The following SLX4IP variants were observed in gnomAD, a reference collection of about 807,000 sequenced individuals.
SLX4IP encodes the protein protein SLX4IP.
SLX4IP carries 34 observed loss-of-function variants against 32.9 expected under a neutral mutation model. The ratio of observed to expected loss-of-function variants is 1.03; its 90% confidence interval spans 0.79 to 1.38. SLX4IP has a LOEUF of 1.38. SLX4IP is among the 40% of genes most tolerant of loss of function. The probability of loss-of-function intolerance (pLI) is 0.00; values close to 1 mark genes in which losing one functional copy is unlikely to be tolerated. For synonymous variants in SLX4IP, 172 were observed against 171.7 expected, an observed-to-expected ratio of 1.00 and a Z score of -0.01; for missense variants, 444 against 479.0, an observed-to-expected ratio of 0.93 and a Z score of 0.68.
chr20:10,497,745 T>G (rs1361207950), intron 2 of SLX4IP, among the ~76,000 whole-genome samples: 1 of 152,156 alleles, frequency 6.6e-6, no homozygotes, highest in East Asian at 1.9e-4. Flanking sequence ...ACTTTGTTGG[T>G]CACTTTTCTT....
chr20:10,550,773 G>A (rs938250614), intron 2 of SLX4IP, among the ~76,000 whole-genome samples: 20 of 152,270 alleles, frequency 1.3e-4, no homozygotes, highest in African/African-American at 4.1e-4. Flanking sequence ...TGCATGGGGC[G>A]TTATTCATTT....
Position 10,503,104 on chromosome 20 carries a change from T to C in SLX4IP, c.27+44873T>C, listed in dbSNP as rs569981106. Among the ~76,000 whole-genome samples, 3 of 152,312 alleles carry C rather than the reference T, an allele frequency of 2.0e-5. No individual in the cohort carries two copies. The South Asian group carries it at 6.2e-4, about 32-fold the overall frequency. ...TTGATACAACTGTTGGCCACCTCACTATGGCCTACCCTGCCATCTGTCCTC... is the reference window on the plus strand; with the variant it reads ...TTGATACAACTGTTGGCCACCTCACCATGGCCTACCCTGCCATCTGTCCTC... On this transcript the variant is annotated intron_variant, in intron 2 of 7. Coordinates refer to ENST00000334534, the MANE Select transcript of SLX4IP (RefSeq NM_001009608.3).
chr20:10,471,685 A>G (rs1264454663), intron 2 of SLX4IP, among the ~76,000 whole-genome samples: 1 of 152,202 alleles, frequency 6.6e-6, no homozygotes, highest in Non-Finnish European at 1.5e-5. Context: ...TCTGTGTGAC[A>G]AAGAAGCCCC....
intron 6 of SLX4IP, chr20:10,613,231 G>A (rs1600156927): frequency 5.1e-6 from 3 of 583,088 alleles, no homozygotes; most frequent in African/African-American, 1.9e-5. Flanking sequence ...TCCTTCAGGT[G>A]AGACCTCACA....
intron 2 of SLX4IP, among the ~76,000 whole-genome samples, chr20:10,493,459 A>C (rs1159117686): frequency 6.6e-6 from 1 of 151,822 alleles, no homozygotes; most frequent in East Asian, 1.9e-4. Context: ...ACCATATCGA[A>C]CTCCCATATT....
At chr20:10,620,451 GAA>G (rs1479509689) in intron 6 of SLX4IP, among the ~76,000 whole-genome samples, 2 of 152,100 alleles carry the variant, frequency 1.3e-5, no homozygotes, top group Non-Finnish European at 2.9e-5. Context: ...TTAGTATAAG[GAA>G]AAAAGTCCCG....
intron 4 of SLX4IP, among the ~76,000 whole-genome samples, chr20:10,566,730 T>C (rs1225192810): frequency 6.6e-6 from 1 of 152,192 alleles, no homozygotes; most frequent in African/African-American, 2.4e-5. Context: ...CTGTGCTTGA[T>C]TGTTTGTAAG....
At chr20:10,576,551 G>A (rs965250199) in intron 4 of SLX4IP, among the ~76,000 whole-genome samples, 1 of 152,156 alleles carries the variant, frequency 6.6e-6, no homozygotes, top group African/African-American at 2.4e-5. Context: ...GAAATGTCTT[G>A]AGAAAATTAT....
chr20:10,485,970 G>A (rs79084389), intron 2 of SLX4IP, among the ~76,000 whole-genome samples: 3,277 of 152,138 alleles, frequency 0.022, 97 homozygotes, highest in African/African-American at 0.062. Flanking sequence ...CAGGGGTGGT[G>A]GAGGCAGAAG....
At chr20:10,438,095 G>A (rs6133934) in intron 1 of SLX4IP, among the ~76,000 whole-genome samples, 3 of 152,234 alleles carry the variant, frequency 2.0e-5, no homozygotes, top group Admixed American at 2.0e-4. Flanking sequence ...TGGGCTTTAA[G>A]GTTTTGTTTA....
intron 4 of SLX4IP, among the ~76,000 whole-genome samples, chr20:10,586,863 T>C (rs1165252463): frequency 6.6e-6 from 1 of 152,034 alleles, no homozygotes; most frequent in East Asian, 1.9e-4. Flanking sequence ...AGAATAAATA[T>C]AAACCCTGAA....
chr20:10,466,586 T>A (rs967570778), intron 2 of SLX4IP, among the ~76,000 whole-genome samples: 1 of 152,132 alleles, frequency 6.6e-6, no homozygotes, highest in Non-Finnish European at 1.5e-5. Context: ...CAGTCTGTAT[T>A]TAAGGAAAAA....
At chr20:10,445,311 C>CTTTTTTTTTT (rs36058168) in intron 1 of SLX4IP, among the ~76,000 whole-genome samples, 18 of 90,134 alleles carry the variant, frequency 2.0e-4, no homozygotes, top group Admixed American at 3.9e-4. Context: ...TTTTTTCTTT[C>CTTTTTTTTTT]TTTTTTTTTT....
At chr20:10,459,889 TG>T (rs1484703646) in intron 2 of SLX4IP, among the ~76,000 whole-genome samples, 1 of 152,236 alleles carries the variant, frequency 6.6e-6, no homozygotes, top group Non-Finnish European at 1.5e-5. Flanking sequence ...GGACATTTTC[TG>T]TATGCTAGTC....
At chr20:10,515,013 T>C (rs2122436694) in intron 2 of SLX4IP, among the ~76,000 whole-genome samples, 1 of 151,964 alleles carries the variant, frequency 6.6e-6, no homozygotes, top group Middle Eastern at 3.4e-3. Context: ...AATAGGACAC[T>C]CTTGAGGGGC....
intron 2 of SLX4IP, among the ~76,000 whole-genome samples, chr20:10,533,456 A>G (rs2066007013): frequency 6.6e-6 from 1 of 152,044 alleles, no homozygotes; most frequent in Non-Finnish European, 1.5e-5. Flanking sequence ...GGCATGTGCC[A>G]CCACACCTTT....
chr20:10,527,959 C>T (rs1193068260), intron 2 of SLX4IP, among the ~76,000 whole-genome samples: 1 of 151,962 alleles, frequency 6.6e-6, no homozygotes, highest in Non-Finnish European at 1.5e-5. Context: ...TACACATAAC[C>T]CCCAGCCTGT....
At chr20:10,547,646 A>G (rs2066175574) in intron 2 of SLX4IP, among the ~76,000 whole-genome samples, 2 of 152,222 alleles carry the variant, frequency 1.3e-5, no homozygotes, top group Admixed American at 1.3e-4. Flanking sequence ...GAGTGACAGT[A>G]TTCTGTGCAT....
chr20:10,452,928 G>A (rs766944845), intron 1 of SLX4IP, among the ~76,000 whole-genome samples: 6 of 151,618 alleles, frequency 4.0e-5, no homozygotes, highest in Admixed American at 2.0e-4. Context: ...CTAAATTACC[G>A]TCTGTATTTT....
Sources: gnomAD v4.1 joint callset for allele counts (sites outside exome capture counted in the v4.1 genomes callset) on GRCh38, gnomAD v4.1.1 for gene constraint, MANE v1.5 for transcripts, NCBI Gene and HGNC (gene_info 2026-07-23, HGNC 2026-07-21) for gene names.